DAB1: variants seen among roughly 807,000 people sequenced by gnomAD.
DAB1 encodes the protein DAB adaptor protein 1.
In DAB1, 15 loss-of-function variants were observed where a neutral mutation model predicts 64.6. The ratio of observed to expected loss-of-function variants is 0.23; its 90% CI spans 0.16 to 0.36. The LOEUF (loss-of-function observed/expected upper bound fraction) is 0.36, where lower values mean the gene tolerates loss of function less well. DAB1 is among the 10% of genes least tolerant of loss of function. The pLI is 1.00. For missense variants in DAB1, 596 were observed against 706.7 expected, an observed-to-expected ratio of 0.84 and a Z score of 1.78; for synonymous variants, 235 against 251.9, an observed-to-expected ratio of 0.93 and a Z score of 0.64.
chr1:57,259,952 A>G (rs1235730230), intron 2 of DAB1, among the ~76,000 whole-genome samples: 4 of 152,184 alleles, frequency 2.6e-5, no homozygotes, highest in Non-Finnish European at 5.9e-5. Flanking sequence ...AGCAGGACAC[A>G]AGTTTACACA....
intron 9 of DAB1, among the ~76,000 whole-genome samples, chr1:57,053,775 C>T (rs960539292): frequency 3.3e-5 from 5 of 149,650 alleles, no homozygotes; most frequent in African/African-American, 1.2e-4. Context: ...GAAACCTCCG[C>T]TTCCTGGGTT....
intron 2 of DAB1, among the ~76,000 whole-genome samples, chr1:58,517,659 T>C (rs1163396185): frequency 6.6e-6 from 1 of 152,176 alleles, no homozygotes; most frequent in African/African-American, 2.4e-5. Context: ...TGAATTCTAA[T>C]GTCATGAAGA....
chr1:57,108,335 T>C (rs563933363), intron 4 of DAB1, among the ~76,000 whole-genome samples: 1 of 152,304 alleles, frequency 6.6e-6, no homozygotes, highest in East Asian at 1.9e-4. Flanking sequence ...TTACTAGTTT[T>C]CATTACCAGA....
At chr1:57,596,110 G>A (rs930734670) in intron 7 of DAB1, among the ~76,000 whole-genome samples, 6 of 152,042 alleles carry the variant, frequency 3.9e-5, no homozygotes, top group African/African-American at 2.4e-5. Context: ...CCTTTGTTAG[G>A]CTGATTCTCT....
At chr1:57,417,928 C>T (rs1002546844) in intron 1 of DAB1, among the ~76,000 whole-genome samples, 1 of 152,172 alleles carries the variant, frequency 6.6e-6, no homozygotes, top group Non-Finnish European at 1.5e-5. Flanking sequence ...GGTCAGCCTT[C>T]AAGACCTAGG....
intron 7 of DAB1, among the ~76,000 whole-genome samples, chr1:57,619,556 G>A (rs1032223968): frequency 6.6e-6 from 1 of 151,986 alleles, no homozygotes; most frequent in Non-Finnish European, 1.5e-5. Context: ...CATGCTACCA[G>A]GCCTGGCTAA....
At chr1:58,103,032 C>T (rs1380504156) in intron 5 of DAB1, among the ~76,000 whole-genome samples, 1 of 152,120 alleles carries the variant, frequency 6.6e-6, no homozygotes, top group African/African-American at 2.4e-5. Context: ...CCATTCTGGA[C>T]CCCTGCCTAC....
At chr1:57,530,070 C>T (rs1644643353) in intron 7 of DAB1, among the ~76,000 whole-genome samples, 1 of 152,020 alleles carries the variant, frequency 6.6e-6, no homozygotes, top group South Asian at 2.1e-4. Flanking sequence ...AGTTGAGAAT[C>T]CAGAGTAAAT....
intron 2 of DAB1, among the ~76,000 whole-genome samples, chr1:57,148,403 C>T (rs556965523): frequency 1.3e-5 from 2 of 152,312 alleles, no homozygotes; most frequent in South Asian, 4.1e-4. Context: ...TCATTAAATG[C>T]TTCACCATTA....
chr1:57,630,890 C>A (rs1645981291), intron 7 of DAB1, among the ~76,000 whole-genome samples: 1 of 152,146 alleles, frequency 6.6e-6, no homozygotes, highest in Non-Finnish European at 1.5e-5. Flanking sequence ...ACAAAGTCTA[C>A]AAGTCTAAAC....
At chr1:57,494,469 G>A (rs1025511636) in intron 7 of DAB1, among the ~76,000 whole-genome samples, 4 of 151,846 alleles carry the variant, frequency 2.6e-5, no homozygotes, top group African/African-American at 9.7e-5. Flanking sequence ...GCTGAAAGAT[G>A]TTTCCTCTCT....
chr1:57,474,355 C>G (rs1288107257), intron 7 of DAB1, among the ~76,000 whole-genome samples: 2 of 152,148 alleles, frequency 1.3e-5, no homozygotes, highest in Non-Finnish European at 2.9e-5. Context: ...CTTACAGCCA[C>G]GAAAACAAGT....
intron 4 of DAB1, among the ~76,000 whole-genome samples, chr1:58,173,177 C>A (rs1458041066): frequency 3.9e-5 from 6 of 152,244 alleles, no homozygotes; most frequent in African/African-American, 4.8e-5. Context: ...TATTCCCCAA[C>A]TGAAACAGAA....
chr1:57,884,434 T>C (rs1644192689), upstream of DAB1, among the ~76,000 whole-genome samples: 1 of 152,170 alleles, frequency 6.6e-6, no homozygotes, highest in South Asian at 2.1e-4. Context: ...ACATGCTCAT[T>C]CATCTTTATT....
At chr1:58,265,831 TA>T (rs779865646) in intron 4 of DAB1, among the ~76,000 whole-genome samples, 1 of 152,106 alleles carries the variant, frequency 6.6e-6, no homozygotes, top group South Asian at 2.1e-4. Flanking sequence ...TGAAGGATAA[TA>T]AAAAAAATTA....
At chr1:57,970,080 G>A (rs1005616398) in intron 5 of DAB1, among the ~76,000 whole-genome samples, 3 of 152,138 alleles carry the variant, frequency 2.0e-5, no homozygotes, top group East Asian at 1.9e-4. Flanking sequence ...AGAAGGCACC[G>A]TCTATGAAAT....
At chr1:58,001,863 C>T (rs1646511941) in intron 5 of DAB1, among the ~76,000 whole-genome samples, 1 of 152,118 alleles carries the variant, frequency 6.6e-6, no homozygotes, top group Admixed American at 6.5e-5. Flanking sequence ...CCTGGATTAT[C>T]CAGGTCAACC....
intron 1 of DAB1, among the ~76,000 whole-genome samples, chr1:57,381,973 C>A (rs55912426): frequency 0.012 from 1,779 of 152,254 alleles, 11 homozygotes; most frequent in Non-Finnish European, 0.02. Context: ...CTGCTTCCTG[C>A]TGATCACAAC....
At chr1:57,408,240 A>G (rs78646451) in intron 1 of DAB1, among the ~76,000 whole-genome samples, 1,534 of 152,284 alleles carry the variant, frequency 0.01, 34 homozygotes, top group African/African-American at 0.035. Context: ...ACAATCCCTT[A>G]TCCAAATTTC....
Sources: gnomAD v4.1 joint callset for allele counts (sites outside exome capture counted in the v4.1 genomes callset) on GRCh38, gnomAD v4.1.1 for gene constraint, MANE v1.5 for transcripts, NCBI Gene and HGNC (gene_info 2026-07-23, HGNC 2026-07-21) for gene names.